MROH7: variants seen among roughly 807,000 people sequenced by gnomAD.
MROH7 encodes maestro heat like repeat family member 7, also known as maestro heat-like repeat-containing protein family member 7.
Under a neutral mutation model 129.2 loss-of-function variants are expected in MROH7, and 113 were observed. The ratio of observed to expected loss-of-function variants is 0.87; its 90% CI spans 0.75 to 1.02. The LOEUF (loss-of-function observed/expected upper bound fraction) is 1.02. Ranked by LOEUF, MROH7 falls within the 50% of genes least tolerant of loss-of-function variation. MROH7 has a pLI of 0.00. For synonymous variants in MROH7, 655 were observed against 667.9 expected, an observed-to-expected ratio of 0.98 and a Z score of 0.30; for missense variants, 1,601 against 1,671.3, an observed-to-expected ratio of 0.96 and a Z score of 0.73.
At chr1:54,706,666 C>T in intron 22 of MROH7, 129 bp downstream of exon 22, 1 of 667,996 alleles carries the variant, frequency 1.5e-6, no homozygotes, top group Middle Eastern at 3.1e-4. Flanking sequence ...GCTTGGCCAC[C>T]AGACAGCCAT....
Position 54,653,444 on chromosome 1 carries a change from A to G in MROH7, c.518A>G (p.His173Arg), listed in dbSNP as rs1472451801. The G allele has an allele frequency of 6.2e-7, 1 of 1,614,192 alleles. No individual in the cohort carries two copies. The change falls in exon 3 of 24, where the codon CAT (histidine) becomes CGT (arginine). Residue 173 changes from histidine to arginine, a missense_variant. His to Arg is a conservative substitution (Grantham distance 29, BLOSUM62 0). Transcript: ENST00000421030. ...LGQRNSNPSRHELNPFIRHHS... is the reference protein window; with the variant it reads ...LGQRNSNPSRRELNPFIRHHS... ...CAGAGAAACTCCAACCCTTCTAGGC[A>G]TGAATTAAACCCATTTATAAGGCAC...
chr1:54,694,031 G>A (rs534744244), intron 16 of MROH7, among the ~76,000 whole-genome samples: 11 of 152,236 alleles, frequency 7.2e-5, no homozygotes, highest in African/African-American at 2.2e-4. Flanking sequence ...ACAGGCATGC[G>A]CCACCACGCC....
chr1:54,702,687 A>G lies in MROH7; in HGVS notation c.3506A>G (p.Tyr1169Cys). 1.2e-6 allele frequency: 2 copies of G among 1,613,944 alleles called. No individual in the cohort carries two copies. The highest frequency in any genetic ancestry group is 1.7e-6 in the Non-Finnish European group (2 of 1,179,888). ...FMAWELPKRA[Y>C]SRKPWDNQQQ... ...GCTTGGGAGTTGCCAAAAAGAGCTT[A>G]TAGCCGGAAGCCCTGGGACAACCAA... The change falls in exon 21 of 24, where the codon TAT becomes TGT. Residue 1169 changes from tyrosine (Y) to cysteine (C), a missense_variant. Physicochemically the swap from Tyr to Cys is radical, Grantham distance 194. Coordinates refer to ENST00000421030, the MANE Select transcript of MROH7 (RefSeq NM_001039464.4).
chr1:54,692,468 G>T lies in MROH7; in HGVS notation c.2756G>T (p.Cys919Phe), dbSNP rs760864895. 49 of 1,614,046 alleles carry T rather than the reference G, an allele frequency of 3.0e-5. No individual in the cohort carries two copies. In the South Asian group the frequency reaches 3.6e-4, roughly 12 times the overall value. ...AAAACCCTGCTACTGAGGATGGGCTGCTCTTATGAGACCACGTTTCTGGAG... is the reference window on the plus strand; with the variant it reads ...AAAACCCTGCTACTGAGGATGGGCTTCTCTTATGAGACCACGTTTCTGGAG... ...VVKTLLLRMGCSYETTFLEDQ... is the reference protein window; with the variant it reads ...VVKTLLLRMGFSYETTFLEDQ... The change falls in exon 16 of 24, where the codon TGC (cysteine) becomes TTC (phenylalanine). Residue 919 changes from cysteine (C) to phenylalanine (F), a missense_variant. Coordinates refer to ENST00000421030, the MANE Select transcript of MROH7 (RefSeq NM_001039464.4).
chr1:54,704,685 A>T (rs921292205), intron 21 of MROH7, among the ~76,000 whole-genome samples: 23 of 151,030 alleles, frequency 1.5e-4, no homozygotes, highest in Middle Eastern at 3.4e-3. Context: ...ACCTCAGGTG[A>T]TCTGCCTGCC....
intron 14 of MROH7, among the ~76,000 whole-genome samples, chr1:54,685,271 T>G (rs543988537): frequency 6.6e-6 from 1 of 152,336 alleles, no homozygotes; most frequent in East Asian, 1.9e-4. Context: ...TCTGCCCACC[T>G]TGGCCTCCCA....
intron 17 of MROH7, among the ~76,000 whole-genome samples, chr1:54,696,388 A>G (rs952480847): frequency 6.6e-6 from 1 of 152,164 alleles, no homozygotes; most frequent in Admixed American, 6.5e-5. Flanking sequence ...TAATACATTC[A>G]TATTGTTATG....
intron 3 of MROH7, among the ~76,000 whole-genome samples, chr1:54,659,392 C>T (rs1219201549): frequency 6.6e-6 from 1 of 152,052 alleles, no homozygotes; most frequent in African/African-American, 2.4e-5. Context: ...AAGCAATTCT[C>T]CTGCCTCAGC....
chr1:54,710,061 A>T lies in MROH7; in HGVS notation c.3846A>T (p.Ser1282=). Residue 1282 remains serine (S), a synonymous_variant, in exon 24 of 24, where the codon TCA becomes TCT. Coordinates refer to ENST00000421030, the MANE Select transcript of MROH7 (RefSeq NM_001039464.4). The stretch of plus-strand genomic sequence containing the variant: ...ACTCCTGGCTGCCGCACGGGAACTC[A>T]TGGGTGTGTTACTCAGCCACCACCC... ...WQNSWLPHGN[S]WVCYSATTHR... is the part of the protein sequence containing the mutation. 2 of 1,613,812 alleles carry T rather than the reference A, an allele frequency of 1.2e-6. No individual in the cohort carries two copies. The highest frequency in any genetic ancestry group is 1.7e-6 in the Non-Finnish European group (2 of 1,179,746).
chr1:54,696,555 G>T (rs1488650729), intron 17 of MROH7, among the ~76,000 whole-genome samples: 1 of 149,214 alleles, frequency 6.7e-6, no homozygotes, highest in Non-Finnish European at 1.5e-5. Context: ...GGTATCTTAT[G>T]TAAGTGGAAT....
intron 3 of MROH7, chr1:54,659,104 T>C (rs1470318466): frequency 1.2e-5 from 5 of 430,712 alleles, no homozygotes; most frequent in South Asian, 1.6e-5. Flanking sequence ...GTTTGTTTTG[T>C]TTTTTTTTAG....
rs557622703 is a variant in MROH7 at position 54,695,647 on chromosome 1, C to G, written c.2964+157C>G. Reference sequence around the variant, plus strand: ...TATGATGATCTTGTTGGTCTCCCTCCCTCCCCTCCCTGTCTCTCCACCCTT... The same window carrying G: ...TATGATGATCTTGTTGGTCTCCCTCGCTCCCCTCCCTGTCTCTCCACCCTT... On this transcript the variant is annotated intron_variant, in intron 17 of 23. Coordinates refer to ENST00000421030, the MANE Select transcript of MROH7 (RefSeq NM_001039464.4). The G allele has an allele frequency of 8.7e-6, 6 of 690,656 alleles. No individual in the cohort carries two copies. The South Asian group carries it at 9.3e-5, about 11-fold the overall frequency. The allele number at this position is 690,656 out of a possible 1,614,324, so 42.8% of individuals were successfully genotyped here. A position where few individuals can be genotyped will look rare whatever the true frequency, so the allele number is the denominator to read the frequency against.
At chr1:54,704,791 C>CTT (rs778005467) in intron 21 of MROH7, among the ~76,000 whole-genome samples, 1 of 67,272 alleles carries the variant, frequency 1.5e-5, no homozygotes, top group Non-Finnish European at 2.7e-5. Context: ...TTCAATGTAG[C>CTT]TCTTTTTTTT....
intron 11 of MROH7, among the ~76,000 whole-genome samples, 189 bp from the exon 12 acceptor site, chr1:54,679,074 T>C (rs1211665843): frequency 6.6e-6 from 1 of 152,226 alleles, no homozygotes; most frequent in Admixed American, 6.5e-5. Flanking sequence ...TGCAGGGACA[T>C]GTTGCTCTTA....
At chr1:54,663,637 G>T in intron 3 of MROH7, 2 of 362,976 alleles carry the variant, frequency 5.5e-6, no homozygotes, top group South Asian at 4.2e-5. Context: ...GCCTCCCAAA[G>T]TGCTGGGATT....
rs1036297954 is a variant in MROH7, at chr1:54,703,778, C to T, written c.3564+1033C>T. Among the ~76,000 whole-genome samples, 1 of 152,070 alleles carries T rather than the reference C, an allele frequency of 6.6e-6. No homozygotes were observed. Among genetic ancestry groups the T allele is most frequent in the African/African-American group, 2.4e-5 (1 of 41,400 alleles). ...GCAGCAGTGAGCATATGAGGGAGTG[C>T]CCCTGGGACCAATACCCATGGAAGG... On this transcript the variant is annotated intron_variant, in intron 21 of 23. Coordinates refer to ENST00000421030, the MANE Select transcript of MROH7 (RefSeq NM_001039464.4). The surrounding 1 kb of genome is among the most constrained non-coding windows in gnomAD (Gnocchi z 4.4).
At chr1:54,680,791 T>C (rs72669934) in intron 13 of MROH7, among the ~76,000 whole-genome samples, 8 of 152,346 alleles carry the variant, frequency 5.3e-5, no homozygotes, top group Non-Finnish European at 8.8e-5. Context: ...GCCAAAGAAC[T>C]GTGCAGAGCT....
At chr1:54,666,965 G>C (rs944529111) in intron 4 of MROH7, among the ~76,000 whole-genome samples, 11 of 152,170 alleles carry the variant, frequency 7.2e-5, no homozygotes, top group Non-Finnish European at 1.2e-4. Context: ...AGATCAGAAA[G>C]ACCTGGAAGC....
chr1:54,670,204 C>T (rs1644875063), intron 5 of MROH7, among the ~76,000 whole-genome samples: 1 of 152,060 alleles, frequency 6.6e-6, no homozygotes, highest in Admixed American at 6.6e-5. Flanking sequence ...CATGGTGGCT[C>T]ATGTCTTTAA....
Sources: gnomAD v4.1 joint callset for allele counts (sites outside exome capture counted in the v4.1 genomes callset) on GRCh38, gnomAD v4.1.1 for gene constraint, Gnocchi (gnomAD v3.1) non-coding constraint, MANE v1.5 for transcripts, NCBI Gene and HGNC (gene_info 2026-07-23, HGNC 2026-07-21) for gene names.